Variants in ZNF185 observed in about 807,000 individuals in gnomAD.
ZNF185 encodes zinc finger protein 185.
A neutral mutation model predicts 58.6 loss-of-function variants in ZNF185; 56 were observed. That is an observed-to-expected ratio of 0.95 (90% confidence interval 0.77 to 1.19). The LOEUF (loss-of-function observed/expected upper bound fraction) is 1.19. Ranked by LOEUF, ZNF185 falls within the 50% of genes most tolerant of loss-of-function variation. ZNF185 has a pLI of 0.00. For synonymous variants in ZNF185, 230 were observed against 215.9 expected, an observed-to-expected ratio of 1.07 and a Z score of -0.57; for missense variants, 627 against 573.5, an observed-to-expected ratio of 1.09 and a Z score of -0.95.
intron 15 of ZNF185, among the ~76,000 whole-genome samples, chrX:152,943,391 A>G (rs147019877): frequency 1.8e-5 from 2 of 112,429 alleles, no homozygotes; most frequent in East Asian, 5.6e-4. Flanking sequence ...CTTTGGTCCA[A>G]TTACACTCAG....
At chrX:152,898,108 A>ACCGCGCCCCGCGTC in the ZNF185 span, among the ~76,000 whole-genome samples, 1 of 104,075 alleles carries the variant, frequency 9.6e-6, no homozygotes, top group Non-Finnish European at 2.0e-5. Flanking sequence ...CCCGCTGTGC[A>ACCGCGCCCCGCGTC]CCGCGCCCCG....
At chrX:152,965,729 G>A (rs1164420968) in intron 19 of ZNF185, among the ~76,000 whole-genome samples, 6 of 110,062 alleles carry the variant, frequency 5.5e-5, no homozygotes, top group Non-Finnish European at 1.1e-4. Flanking sequence ...TCTCCCTTCC[G>A]GTGAATTCAT....
chrX:152,932,758 C>T (rs1556878504), intron 13 of ZNF185, 115 bp from the exon 15 acceptor site: 2 of 529,424 alleles, frequency 3.8e-6, no homozygotes, highest in Non-Finnish European at 6.5e-6. Context: ...CAGAGCAGCA[C>T]AGAGTAGCAG....
chrX:152,970,322 C>T, intron 21 of ZNF185, 121 bp from the exon 24 acceptor site: 1 of 544,566 alleles, frequency 1.8e-6, no homozygotes, highest in South Asian at 2.9e-5. Context: ...TCCTGAGGTC[C>T]AGGATGTGCC....
chrX:152,915,478 G>T (rs1556865237), intron 3 of ZNF185, among the ~76,000 whole-genome samples: 1 of 112,794 alleles, frequency 8.9e-6, no homozygotes, highest in Non-Finnish European at 1.9e-5. Context: ...GGCCTCCGTG[G>T]CTCCAGCTGT....
chrX:152,945,373 G>A (rs782678540), exon 16 of ZNF185: 47 of 1,205,947 alleles, frequency 3.9e-5, no homozygotes, highest in Non-Finnish European at 4.6e-5. Flanking sequence ...AGCTGTACCC[G>A]CTCAGCAACC....
chrX:152,973,111 ATGAG>A (rs1556921036), exon 23 of ZNF185: 1 of 111,871 alleles, frequency 8.9e-6, no homozygotes, highest in Non-Finnish European at 1.9e-5. Context: ...CACTCAATGA[ATGAG>A]TGAAGGAAAT....
intron 16 of ZNF185, among the ~76,000 whole-genome samples, chrX:152,951,633 AC>A (rs2048328728): frequency 9.0e-6 from 1 of 111,636 alleles, no homozygotes; most frequent in African/African-American, 3.3e-5. Flanking sequence ...CTTCTCTTTC[AC>A]AGAGAAAACA....
the ZNF185 span, among the ~76,000 whole-genome samples, chrX:152,904,247 A>G: frequency 2.5e-3 from 286 of 112,370 alleles, 1 homozygote; most frequent in African/African-American, 8.7e-3. Context: ...CACGCTGAGC[A>G]GCAGACTAGG....
At chrX:152,926,149 C>T (rs1334040494) in intron 11 of ZNF185, among the ~76,000 whole-genome samples, 3 of 112,524 alleles carry the variant, frequency 2.7e-5, no homozygotes, top group African/African-American at 9.7e-5. Flanking sequence ...AGTAGGAGCA[C>T]AGCTTCTGGC....
At chrX:152,967,717 G>T (rs782146872) in intron 20 of ZNF185, among the ~76,000 whole-genome samples, 2 of 112,212 alleles carry the variant, frequency 1.8e-5, no homozygotes, top group African/African-American at 6.5e-5. Flanking sequence ...GAAAGCAGGG[G>T]CAGAGAACAC....
intron 12 of ZNF185, among the ~76,000 whole-genome samples, chrX:152,929,256 A>G (rs2035286714): frequency 9.4e-6 from 1 of 105,889 alleles, no homozygotes; most frequent in Non-Finnish European, 2.0e-5. Flanking sequence ...AGCAGGGAGC[A>G]CGAGGGGCTC....
chrX:152,908,644 A>C, the ZNF185 span, among the ~76,000 whole-genome samples: 5 of 112,568 alleles, frequency 4.4e-5, no homozygotes, highest in Non-Finnish European at 9.4e-5. Flanking sequence ...GCGGGTGAGC[A>C]TTGCTGCTGG....
intron 16 of ZNF185, among the ~76,000 whole-genome samples, chrX:152,958,177 C>T (rs191210129): frequency 2.9e-4 from 33 of 112,171 alleles, no homozygotes; most frequent in Admixed American, 1.9e-3. Context: ...CCAGAAGGAA[C>T]TCAGTTTTCC....
chrX:152,908,068 C>T, the ZNF185 span, among the ~76,000 whole-genome samples: 1 of 112,442 alleles, frequency 8.9e-6, no homozygotes, highest in African/African-American at 3.2e-5. Context: ...TGAGCAGGCC[C>T]ACAGATGCCA....
At chrX:152,963,910 T>C in exon 18 of ZNF185, 5 of 1,211,780 alleles carry the variant, frequency 4.1e-6, no homozygotes, top group Non-Finnish European at 5.6e-6. Context: ...CACATTTATA[T>C]TCCAGCCCCC....
intron 16 of ZNF185, among the ~76,000 whole-genome samples, chrX:152,950,876 A>G (rs1033389177): frequency 6.2e-5 from 7 of 112,124 alleles, no homozygotes; most frequent in African/African-American, 2.3e-4. Context: ...TCAAGTAAAC[A>G]TATGAGGTAA....
chrX:152,916,563 G>A (rs963270415), intron 3 of ZNF185, among the ~76,000 whole-genome samples: 12 of 112,098 alleles, frequency 1.1e-4, no homozygotes, highest in African/African-American at 3.9e-4. Context: ...GACTTGGGGT[G>A]TGGGCATGCA....
intron 11 of ZNF185, among the ~76,000 whole-genome samples, chrX:152,927,066 C>G (rs1940998635): frequency 8.9e-6 from 1 of 112,273 alleles, no homozygotes; most frequent in African/African-American, 3.2e-5. Context: ...TGGGGTGACA[C>G]TTTGTTCCCA....
Sources: allele counts gnomAD v4.1 joint callset (sites outside exome capture counted in the v4.1 genomes callset), GRCh38; gene constraint gnomAD v4.1.1; transcripts MANE v1.5; gene names NCBI Gene and HGNC (gene_info 2026-07-23, HGNC 2026-07-21).